Variants in CRYBG3 observed in about 807,000 individuals in gnomAD.
The protein encoded by CRYBG3 is crystallin beta-gamma domain containing 3.
In CRYBG3, 127 loss-of-function variants were observed where a neutral mutation model predicts 244.2. That is an observed-to-expected ratio of 0.52 (90% CI 0.45 to 0.60). The LOEUF (loss-of-function observed/expected upper bound fraction) is 0.60. Among genes scored for constraint, CRYBG3 ranks in the 20% least tolerant of loss-of-function variants. The probability of loss-of-function intolerance (pLI) is 0.00; values close to 1 mark genes in which losing one functional copy is unlikely to be tolerated. For synonymous variants in CRYBG3, 1,132 were observed against 1,195.8 expected (o/e 0.95, Z 1.10); for missense variants, 3,325 against 3,442.5 (o/e 0.97, Z 0.85).
rs1237200387 is a variant in CRYBG3, at chr3:97,864,500, T to G, written c.500T>G (p.Ile167Ser). The G allele has an allele frequency of 6.5e-7, 1 of 1,535,810 alleles. No homozygotes were observed. Among genetic ancestry groups the G allele is most frequent in the African/African-American group, 1.4e-5 (1 of 73,074 alleles). The change falls in exon 3 of 22, where the codon ATC (isoleucine) becomes AGC (serine). Residue 167 changes from isoleucine (I) to serine (S), a missense_variant. Physicochemically the swap from Ile to Ser is moderately radical, Grantham distance 142. Around this residue, in one of 4 missense-constraint regions of CRYBG3, gnomAD observed 1,526 missense variants for 1,443.2 expected, o/e 1.06. Coordinates refer to ENST00000389622, the MANE Select transcript of CRYBG3 (RefSeq NM_153605.4). ...CCCAGTGACCATCATGAAGACGGGA[T>G]CAAAAGGGAGAGAGAGATTTTCAGT... Reference protein sequence around the residue: ...QNPSDHHEDGIKREREIFSGS... With the variant: ...QNPSDHHEDGSKREREIFSGS...
intron 2 of CRYBG3, among the ~76,000 whole-genome samples, chr3:97,851,604 G>A (rs990525508): frequency 6.6e-6 from 1 of 152,208 alleles, no homozygotes; most frequent in Non-Finnish European, 1.5e-5. Flanking sequence ...TAGTGTGAGA[G>A]AAAGAAAGGT....
chr3:97,886,578 C>T lies in CRYBG3; in HGVS notation c.7153-53C>T, dbSNP rs999624332. On this transcript the variant is annotated intron_variant, in intron 7 of 21. Coordinates refer to ENST00000389622, the MANE Select transcript of CRYBG3 (RefSeq NM_153605.4). The stretch of plus-strand genomic sequence containing the variant: ...CTGTATGTCCAGGACATTGAGAAGA[C>T]TGGACTGTGTGACTCTAGTTGATTT... The T allele has an allele frequency of 2.0e-6, 3 of 1,496,584 alleles. No homozygotes were observed. The African/African-American group carries it at 4.2e-5, about 21-fold the overall frequency. The allele number at this position is 1,496,584 out of a possible 1,614,324, so 92.7% of individuals were successfully genotyped here.
At chr3:97,937,871 C>A (rs1288266834) in intron 19 of CRYBG3, among the ~76,000 whole-genome samples, 1 of 152,000 alleles carries the variant, frequency 6.6e-6, no homozygotes, top group East Asian at 1.9e-4. Flanking sequence ...GCGATTTCTG[C>A]CAATATTATT....
At chr3:97,856,858 GT>G (rs1369615458) in intron 2 of CRYBG3, among the ~76,000 whole-genome samples, 3 of 151,732 alleles carry the variant, frequency 2.0e-5, no homozygotes, top group African/African-American at 7.3e-5. Flanking sequence ...CCGACTTTAT[GT>G]TTCATTGCTC....
At chr3:97,910,614 C>G (rs1052087015) in intron 15 of CRYBG3, among the ~76,000 whole-genome samples, 13 of 152,178 alleles carry the variant, frequency 8.5e-5, no homozygotes, top group Non-Finnish European at 1.3e-4. Flanking sequence ...GGTTCGCGCA[C>G]GGTGCACGCA....
chr3:97,906,587 AT>A (rs1266066921), intron 15 of CRYBG3, among the ~76,000 whole-genome samples: 1 of 141,574 alleles, frequency 7.1e-6, no homozygotes, highest in Non-Finnish European at 1.5e-5. Flanking sequence ...ATTTTTGTAC[AT>A]TGATTTTGTA....
chr3:97,882,680 C>A (rs1347186060), intron 7 of CRYBG3, among the ~76,000 whole-genome samples: 1 of 152,096 alleles, frequency 6.6e-6, no homozygotes, highest in Non-Finnish European at 1.5e-5. Flanking sequence ...ATGGAGATTT[C>A]ATTTATATAC....
At chr3:97,895,896 C>G (rs2108236406) in intron 11 of CRYBG3, 63 bp from the exon 12 acceptor site, 2 of 1,486,880 alleles carry the variant, frequency 1.3e-6, no homozygotes, top group Non-Finnish European at 1.8e-6. Context: ...TTGATTGTCT[C>G]TGTTTTGCTT....
chr3:97,879,605 A>G, intron 4 of CRYBG3, 99 bp from the exon 5 acceptor site: 2 of 777,096 alleles, frequency 2.6e-6, no homozygotes, highest in South Asian at 3.9e-5. Context: ...TCACTAACTA[A>G]ATATGTGATA....
intron 17 of CRYBG3, among the ~76,000 whole-genome samples, chr3:97,917,272 G>C (rs1469843957): frequency 6.6e-6 from 1 of 152,116 alleles, no homozygotes; most frequent in Non-Finnish European, 1.5e-5. Flanking sequence ...AAGTTGTCAT[G>C]TGGAGTGGCA....
intron 12 of CRYBG3, among the ~76,000 whole-genome samples, chr3:97,897,573 C>A (rs1256127971): frequency 6.6e-6 from 1 of 152,060 alleles, no homozygotes; most frequent in Non-Finnish European, 1.5e-5. Context: ...CTAGTAATCT[C>A]ATAGGGCTTA....
chr3:97,894,279 GT>G lies in CRYBG3; in HGVS notation c.7574+1295del, dbSNP rs944536580. Among the ~76,000 whole-genome samples the G allele has an allele frequency of 7.3e-5, 11 of 151,548 alleles. No homozygotes were observed. The East Asian group carries it at 9.7e-4, about 13-fold the overall frequency. On this transcript the variant is annotated intron_variant, in intron 11 of 21. Transcript: ENST00000389622. Reference sequence around the variant, plus strand: ...TGCAATGTGCATTGTTATTCTCTAAGTTTTTTTTTAAATAGCTATTTTGTAA... The same window carrying G: ...TGCAATGTGCATTGTTATTCTCTAAGTTTTTTTTAAATAGCTATTTTGTAA...
intron 2 of CRYBG3, among the ~76,000 whole-genome samples, chr3:97,857,429 T>G (rs1338889143): frequency 1.3e-5 from 2 of 151,858 alleles, no homozygotes; most frequent in Non-Finnish European, 2.9e-5. Context: ...TTTTTTTTTT[T>G]TTTTTGGTCT....
chr3:97,885,378 A>G (rs1166617459), intron 7 of CRYBG3, among the ~76,000 whole-genome samples: 4 of 152,164 alleles, frequency 2.6e-5, no homozygotes, highest in Non-Finnish European at 5.9e-5. Context: ...TGCCACCTCT[A>G]TTATTACATT....
In CRYBG3 at chr3:97,851,867, G is replaced by A. The variant is rs2038991123; in HGVS notation, c.216+8606G>A. On this transcript the variant is annotated intron_variant, in intron 2 of 21. Transcript: ENST00000389622. ...GGTTTTTGTCTGGAGAACATAGTGG[G>A]GGATAACAGATGTGGAAGCAGCAAA... Among the ~76,000 whole-genome samples, 3 of 152,120 alleles carry A rather than the reference G, an allele frequency of 2.0e-5. No homozygotes were observed. The South Asian group carries it at 6.2e-4, about 32-fold the overall frequency.
At chr3:97,896,141 A>T (rs979967824) in intron 12 of CRYBG3, 56 bp downstream of exon 12, 15 of 1,521,312 alleles carry the variant, frequency 9.9e-6, no homozygotes, top group Admixed American at 1.9e-5. Flanking sequence ...TGTTCACAAA[A>T]ATTGGACATG....
At position 97,877,829 on chromosome 3, in the gene CRYBG3, T is replaced by A. The variant is rs2039399453; in HGVS notation, c.6635T>A (p.Leu2212Gln). Residue 2212 changes from leucine (L) to glutamine (Q), a missense_variant, in exon 4 of 22, where the codon CTG becomes CAG. Leu to Gln is a moderately radical substitution (Grantham distance 113, BLOSUM62 -2). This residue lies in a region of CRYBG3 where 450 missense variants were observed against 424.1 expected (regional missense o/e 1.06). Coordinates refer to ENST00000389622, the MANE Select transcript of CRYBG3 (RefSeq NM_153605.4). The stretch of plus-strand genomic sequence containing the variant: ...ACTACCTCCAATCTGCAAGTTGGTC[T>A]GTGGCCAGAAAAGACCTCGTTTCTC... ...EPTTSNLQVG[L>Q]WPEKTSFLQK... The A allele has an allele frequency of 6.2e-7, 1 of 1,614,026 alleles. No individual in the cohort carries two copies. The highest frequency in any genetic ancestry group is 8.5e-7 in the Non-Finnish European group (1 of 1,180,016).
chr3:97,851,843 G>T (rs1402695170), intron 2 of CRYBG3, among the ~76,000 whole-genome samples: 2 of 152,174 alleles, frequency 1.3e-5, no homozygotes, highest in African/African-American at 2.4e-5. Context: ...GATTGCTGTG[G>T]TTTTTGTCTG....
chr3:97,888,530 C>T, intron 9 of CRYBG3, 75 bp downstream of exon 9: 4 of 922,856 alleles, frequency 4.3e-6, no homozygotes, highest in Non-Finnish European at 7.0e-6. Flanking sequence ...ATGATGTTTG[C>T]TCATGCATCT....
Sources: gnomAD v4.1 joint callset for allele counts (sites outside exome capture counted in the v4.1 genomes callset) on GRCh38, gnomAD v4.1.1 for gene constraint, gnomAD v4.1.1 regional missense constraint, MANE v1.5 for transcripts, NCBI Gene and HGNC (gene_info 2026-07-23, HGNC 2026-07-21) for gene names.